The following GALNT13 variants were observed in gnomAD, a reference collection of about 807,000 sequenced individuals.
GALNT13 encodes the protein polypeptide N-acetylgalactosaminyltransferase 13.
Under a neutral mutation model 64.2 loss-of-function variants are expected in GALNT13, and 28 were observed. The ratio of observed to expected loss-of-function variants is 0.44; its 90% CI spans 0.32 to 0.60. The LOEUF (loss-of-function observed/expected upper bound fraction) is 0.60. GALNT13 is among the 20% of genes least tolerant of loss of function. GALNT13 has a pLI of 0.05. For synonymous variants in GALNT13, 214 were observed against 224.6 expected, an observed-to-expected ratio of 0.95 and a Z score of 0.42; for missense variants, 577 against 669.8, an observed-to-expected ratio of 0.86 and a Z score of 1.53.
the GALNT13 span, among the ~76,000 whole-genome samples, chr2:153,656,230 A>G: frequency 1.3e-5 from 2 of 152,062 alleles, no homozygotes; most frequent in Admixed American, 6.6e-5. Context: ...ACAAAAGACA[A>G]TGAGCACACA....
intron 3 of GALNT13, among the ~76,000 whole-genome samples, chr2:153,973,622 G>A (rs1693886475): frequency 6.6e-6 from 1 of 151,464 alleles, no homozygotes; most frequent in Non-Finnish European, 1.5e-5. Context: ...CTTACTGACA[G>A]CAGTTTGAGT....
At chr2:153,689,079 TG>T in the GALNT13 span, among the ~76,000 whole-genome samples, 1 of 148,394 alleles carries the variant, frequency 6.7e-6, no homozygotes, top group East Asian at 2.0e-4. Flanking sequence ...TATGTGTGTG[TG>T]TGTGTGTGTG....
rs142752525 is a variant in GALNT13, at chr2:154,022,285, C to G, written c.142+77646C>G. 4.7e-3 allele frequency among the ~76,000 whole-genome samples: 723 copies of G among 152,220 alleles called. 9 individuals are homozygous for G. The highest frequency in any genetic ancestry group is 0.016 in the African/African-American group (662 of 41,540). On this transcript the variant is annotated intron_variant, in intron 3 of 12. Coordinates refer to ENST00000392825, the MANE Select transcript of GALNT13 (RefSeq NM_052917.4). ...GTAGTTTCAGAAGGAATGGTACCAG[C>G]TCTTCTTTTTATCTCTGGTAGAATT... is the stretch of plus-strand genomic sequence containing the variant.
At chr2:153,666,254 C>G in the GALNT13 span, among the ~76,000 whole-genome samples, 5 of 152,136 alleles carry the variant, frequency 3.3e-5, no homozygotes, top group African/African-American at 1.2e-4. Context: ...GCTTTGCCAG[C>G]ACATGATTGC....
intron 10 of GALNT13, among the ~76,000 whole-genome samples, chr2:154,400,292 C>G (rs1699243584): frequency 1.3e-5 from 2 of 152,176 alleles, no homozygotes; most frequent in Admixed American, 6.5e-5. Context: ...GTTCAAGCTA[C>G]TTGCCATCAA....
the GALNT13 span, among the ~76,000 whole-genome samples, chr2:153,839,641 G>A: frequency 1.3e-5 from 2 of 151,724 alleles, no homozygotes; most frequent in African/African-American, 2.4e-5. Context: ...TTCTGAAGTG[G>A]AAATCCATAT....
the GALNT13 span, among the ~76,000 whole-genome samples, chr2:153,658,332 C>A: frequency 1.3e-5 from 2 of 152,110 alleles, no homozygotes; most frequent in African/African-American, 4.8e-5. Flanking sequence ...CTACTGAGCC[C>A]TGGTGTTATT....
intron 4 of GALNT13, among the ~76,000 whole-genome samples, chr2:154,189,204 A>T (rs1020525673): frequency 1.3e-5 from 2 of 152,046 alleles, no homozygotes; most frequent in Non-Finnish European, 2.9e-5. Flanking sequence ...CTGACCATTC[A>T]GACTAGTGTA....
the GALNT13 span, among the ~76,000 whole-genome samples, chr2:153,269,969 A>G: frequency 6.6e-6 from 1 of 152,168 alleles, no homozygotes; most frequent in African/African-American, 2.4e-5. Context: ...GGGGATTACA[A>G]TTCAAGATGA....
intron 3 of GALNT13, among the ~76,000 whole-genome samples, chr2:154,136,300 G>A (rs949501342): frequency 1.3e-5 from 2 of 152,122 alleles, no homozygotes; most frequent in African/African-American, 4.8e-5. Flanking sequence ...TCAATGTTAT[G>A]CTTGTACCAT....
the GALNT13 span, among the ~76,000 whole-genome samples, chr2:153,154,261 G>C: frequency 6.6e-6 from 1 of 152,072 alleles, no homozygotes; most frequent in African/African-American, 2.4e-5. Context: ...GATATCTGAT[G>C]GTTTTATAAA....
At chr2:154,446,100 T>A (rs1387685057) in intron 12 of GALNT13, among the ~76,000 whole-genome samples, 4 of 152,066 alleles carry the variant, frequency 2.6e-5, no homozygotes, top group African/African-American at 7.2e-5. Flanking sequence ...AGTACCATAC[T>A]GTTCAAAGTA....
the GALNT13 span, among the ~76,000 whole-genome samples, chr2:153,221,238 G>A: frequency 2.6e-5 from 4 of 152,060 alleles, no homozygotes; most frequent in South Asian, 2.1e-4. Context: ...CCGAGATTGC[G>A]CCACTGCACT....
intron 3 of GALNT13, among the ~76,000 whole-genome samples, chr2:154,019,903 C>T (rs1170176641): frequency 6.6e-6 from 1 of 150,598 alleles, no homozygotes; most frequent in African/African-American, 2.5e-5. Context: ...TTCCTGTGTC[C>T]ATGTGTTCTC....
chr2:153,219,145 A>T, the GALNT13 span, among the ~76,000 whole-genome samples: 1 of 152,232 alleles, frequency 6.6e-6, no homozygotes, highest in Non-Finnish European at 1.5e-5. Context: ...AAAGCATCCA[A>T]TTCATCAGGG....
chr2:154,064,342 T>C (rs1351220656), intron 3 of GALNT13, among the ~76,000 whole-genome samples: 1 of 152,114 alleles, frequency 6.6e-6, no homozygotes, highest in Non-Finnish European at 1.5e-5. Context: ...TCTAGTTCTG[T>C]TCTGGGCCGA....
At chr2:154,102,088 C>T (rs1032072346) in intron 3 of GALNT13, among the ~76,000 whole-genome samples, 2 of 152,136 alleles carry the variant, frequency 1.3e-5, no homozygotes, top group Non-Finnish European at 2.9e-5. Flanking sequence ...AAAACTGTTA[C>T]ACAGATGACA....
chr2:154,160,759 CT>C (rs1216959345), intron 4 of GALNT13, among the ~76,000 whole-genome samples: 1 of 152,220 alleles, frequency 6.6e-6, no homozygotes, highest in Non-Finnish European at 1.5e-5. Context: ...AAGAAGCACA[CT>C]TCTTCCCTTC....
the GALNT13 span, among the ~76,000 whole-genome samples, chr2:153,070,763 C>T: frequency 6.6e-6 from 1 of 152,156 alleles, no homozygotes; most frequent in Non-Finnish European, 1.5e-5. Context: ...AGACAAGCTG[C>T]ACACATATGA....
Sources: gnomAD v4.1 joint callset for allele counts (sites outside exome capture counted in the v4.1 genomes callset) on GRCh38, gnomAD v4.1.1 for gene constraint, MANE v1.5 for transcripts, NCBI Gene and HGNC (gene_info 2026-07-23, HGNC 2026-07-21) for gene names.